The following KCNQ3 variants were observed in gnomAD, a reference collection of about 807,000 sequenced individuals.
The protein encoded by KCNQ3 is potassium voltage-gated channel subfamily KQT member 3.
KCNQ3 carries 30 observed loss-of-function variants against 92.5 expected under a neutral mutation model. The observed-to-expected ratio is 0.32, with a 90% CI of 0.24 to 0.44. KCNQ3 has a LOEUF of 0.44. Ranked by LOEUF, KCNQ3 falls within the 20% of genes least tolerant of loss-of-function variation. The pLI, the probability that KCNQ3 is intolerant of heterozygous loss-of-function variation, is 1.00. For synonymous variants in KCNQ3, 450 were observed against 468.8 expected (o/e 0.96, Z 0.52); for missense variants, 913 against 1,140.3 (o/e 0.80, Z 2.87).
At chr8:132,370,905 G>T (rs1230029733) in intron 1 of KCNQ3, among the ~76,000 whole-genome samples, 1 of 151,064 alleles carries the variant, frequency 6.6e-6, no homozygotes, top group Non-Finnish European at 1.5e-5. Context: ...CCATTTTACA[G>T]ATCAGGAAAC....
At chr8:132,335,025 CCTT>C (rs1212696061) in intron 1 of KCNQ3, among the ~76,000 whole-genome samples, 1 of 133,618 alleles carries the variant, frequency 7.5e-6, no homozygotes, top group Non-Finnish European at 1.6e-5. Context: ...TTCCTTCCTT[CCTT>C]GTTTTCTTTT....
At chr8:132,378,118 G>T (rs1409870881) in intron 1 of KCNQ3, among the ~76,000 whole-genome samples, 1 of 152,186 alleles carries the variant, frequency 6.6e-6, no homozygotes, top group African/African-American at 2.4e-5. Flanking sequence ...ATATGGCCGG[G>T]CATGGTGGCT....
At chr8:132,451,408 T>C (rs1445641547) in intron 1 of KCNQ3, among the ~76,000 whole-genome samples, 3 of 152,234 alleles carry the variant, frequency 2.0e-5, no homozygotes, top group Non-Finnish European at 4.4e-5. Flanking sequence ...TTGGGAAGAC[T>C]TTCTTAATGC....
chr8:132,166,581 C>A (rs1438468965), intron 8 of KCNQ3, among the ~76,000 whole-genome samples: 3 of 152,276 alleles, frequency 2.0e-5, no homozygotes, highest in African/African-American at 7.2e-5. Flanking sequence ...TCCTGAACTT[C>A]TGGGGGCTCT....
intron 1 of KCNQ3, among the ~76,000 whole-genome samples, chr8:132,219,212 T>C (rs1187581549): frequency 6.6e-6 from 1 of 152,148 alleles, no homozygotes; most frequent in Non-Finnish European, 1.5e-5. Flanking sequence ...CCTTGATGAG[T>C]GCAGATTTTG....
intron 1 of KCNQ3, among the ~76,000 whole-genome samples, chr8:132,438,474 T>C (rs1821452644): frequency 6.6e-6 from 1 of 152,176 alleles, no homozygotes; most frequent in South Asian, 2.1e-4. Flanking sequence ...TTCTGCCTGA[T>C]TTCTCTGTGG....
intron 1 of KCNQ3, among the ~76,000 whole-genome samples, chr8:132,444,728 C>T (rs1036172352): frequency 2.0e-5 from 3 of 152,196 alleles, no homozygotes; most frequent in Admixed American, 2.0e-4. Context: ...AACTGAGCTG[C>T]AGGATGGCAG....
intron 1 of KCNQ3, among the ~76,000 whole-genome samples, chr8:132,279,515 A>G (rs560012566): frequency 6.6e-6 from 1 of 152,256 alleles, no homozygotes; most frequent in East Asian, 1.9e-4. Context: ...AAGATTTCGA[A>G]TGTTTTTAAA....
At chr8:132,195,307 A>G (rs1827271706) in intron 1 of KCNQ3, among the ~76,000 whole-genome samples, 1 of 152,218 alleles carries the variant, frequency 6.6e-6, no homozygotes, top group South Asian at 2.1e-4. Context: ...TCTTAATACT[A>G]TCTTAATACA....
intron 4 of KCNQ3, among the ~76,000 whole-genome samples, chr8:132,176,909 G>A (rs1463501490): frequency 2.0e-5 from 3 of 152,216 alleles, no homozygotes; most frequent in African/African-American, 7.2e-5. Context: ...TTGTACGGGT[G>A]TGAGTTTGGT....
chr8:132,464,180 C>T (rs897208067), intron 1 of KCNQ3, among the ~76,000 whole-genome samples: 1 of 152,194 alleles, frequency 6.6e-6, no homozygotes, highest in African/African-American at 2.4e-5. Context: ...ACTATACGCC[C>T]ATAAGACTGT....
chr8:132,401,140 C>T (rs1268257628), intron 1 of KCNQ3, among the ~76,000 whole-genome samples: 5 of 152,152 alleles, frequency 3.3e-5, no homozygotes, highest in Non-Finnish European at 7.3e-5. Flanking sequence ...TCAGAAACTA[C>T]TAGAAACCAG....
At chr8:132,346,373 A>G (rs1241737764) in intron 1 of KCNQ3, among the ~76,000 whole-genome samples, 1 of 152,176 alleles carries the variant, frequency 6.6e-6, no homozygotes, top group Non-Finnish European at 1.5e-5. Context: ...TCACTCTGAG[A>G]AAATGCCAGC....
chr8:132,307,186 C>T (rs1234925967), intron 1 of KCNQ3, among the ~76,000 whole-genome samples: 1 of 152,204 alleles, frequency 6.6e-6, no homozygotes, highest in Non-Finnish European at 1.5e-5. Context: ...CCAAAAGTAG[C>T]TTCAGCGCAG....
intron 1 of KCNQ3, among the ~76,000 whole-genome samples, chr8:132,249,519 G>A (rs1349868430): frequency 6.6e-6 from 1 of 151,956 alleles, no homozygotes; most frequent in Admixed American, 6.5e-5. Flanking sequence ...AGTGCTGACT[G>A]GTGTATTTAC....
At chr8:132,331,665 G>C (rs933625693) in intron 1 of KCNQ3, among the ~76,000 whole-genome samples, 1 of 152,156 alleles carries the variant, frequency 6.6e-6, no homozygotes, top group African/African-American at 2.4e-5. Flanking sequence ...TGAAGGACCT[G>C]TGTCCACTGG....
At chr8:132,195,740 A>G (rs1196714469) in intron 1 of KCNQ3, among the ~76,000 whole-genome samples, 2 of 152,220 alleles carry the variant, frequency 1.3e-5, no homozygotes, top group Non-Finnish European at 2.9e-5. Flanking sequence ...GATAAATAAC[A>G]TGATTCAACT....
chr8:132,143,097 T>C (rs567859587), intron 9 of KCNQ3, among the ~76,000 whole-genome samples: 1 of 152,340 alleles, frequency 6.6e-6, no homozygotes, highest in Non-Finnish European at 1.5e-5. Flanking sequence ...TTGTTATTCC[T>C]GACTTCCTCT....
At chr8:132,244,654 C>T (rs548912620) in intron 1 of KCNQ3, among the ~76,000 whole-genome samples, 15 of 152,162 alleles carry the variant, frequency 9.9e-5, no homozygotes, top group East Asian at 9.7e-4. Context: ...AAATGCAGAC[C>T]CAGACACACA....
Sources: allele counts gnomAD v4.1 joint callset (sites outside exome capture counted in the v4.1 genomes callset), GRCh38; gene constraint gnomAD v4.1.1; transcripts MANE v1.5; gene names NCBI Gene and HGNC (gene_info 2026-07-23, HGNC 2026-07-21).